SLC10A7: variants seen among roughly 807,000 people sequenced by gnomAD.
The protein encoded by SLC10A7 is solute carrier family 10 member 7.
SLC10A7 carries 29 observed loss-of-function variants against 43.2 expected under a neutral mutation model. The observed-to-expected ratio is 0.67, with a 90% CI of 0.50 to 0.92. SLC10A7 has a LOEUF of 0.92. Among genes scored for constraint, SLC10A7 ranks in the 40% least tolerant of loss-of-function variants. The pLI is 0.00. For missense variants in SLC10A7, 295 were observed against 403.2 expected (o/e 0.73, Z 2.30); for synonymous variants, 152 against 144.8 (o/e 1.05, Z -0.35).
chr4:146,436,298 C>T lies in SLC10A7; in HGVS notation c.435+6485G>A, dbSNP rs183497967. 2.9e-3 allele frequency among the ~76,000 whole-genome samples: 445 copies of T among 152,154 alleles called. 1 individual carries two copies. Among genetic ancestry groups the T allele is most frequent in the Non-Finnish European group, 4.7e-3 (322 of 67,936 alleles). On this transcript the variant is annotated intron_variant, in intron 5 of 11. Transcript: ENST00000335472. ...AGTAACAAAGACCATTTTTTATTTA[C>T]AATGATTGTACTTCAGATAAGAGTT...
intron 5 of SLC10A7, among the ~76,000 whole-genome samples, chr4:146,383,346 C>CT (rs1737766854): frequency 6.6e-6 from 1 of 152,066 alleles, no homozygotes; most frequent in African/African-American, 2.4e-5. Context: ...GGGGGAAAAC[C>CT]GCGGCTTTCT....
At chr4:146,384,606 T>C (rs1737859124) in intron 5 of SLC10A7, among the ~76,000 whole-genome samples, 1 of 152,114 alleles carries the variant, frequency 6.6e-6, no homozygotes, top group Non-Finnish European at 1.5e-5. Flanking sequence ...ACACTATGTA[T>C]ATATAGGGAT....
At chr4:146,458,778 G>A (rs371251485) in intron 4 of SLC10A7, among the ~76,000 whole-genome samples, 1 of 151,760 alleles carries the variant, frequency 6.6e-6, no homozygotes, top group Non-Finnish European at 1.5e-5. Context: ...GGGCTTGTGT[G>A]TAACAATCTG....
chr4:146,264,687 A>G (rs934672002), intron 10 of SLC10A7, among the ~76,000 whole-genome samples: 2 of 152,112 alleles, frequency 1.3e-5, no homozygotes, highest in African/African-American at 4.8e-5. Flanking sequence ...CAACTCCTAC[A>G]GCCCCTGCAA....
chr4:146,254,836 G>GA lies in SLC10A7; in HGVS notation c.*1654dup, dbSNP rs1356025357. 2.0e-5 allele frequency: 3 copies of GA among 152,186 alleles called. No homozygotes were observed. The highest frequency in any genetic ancestry group is 7.2e-5 in the African/African-American group (3 of 41,444). 9.4% of individuals were successfully genotyped at this position (152,186 alleles called of 1,614,324 possible). ...CCTAAGCAAAATTACTGTAGTTTTA[G>GA]ACACAAGTAAAATTCTTTATAACAG... is the stretch of plus-strand genomic sequence containing the variant. On this transcript the variant is annotated 3_prime_UTR_variant, in exon 12 of 12. Coordinates refer to ENST00000335472, the MANE Select transcript of SLC10A7 (RefSeq NM_001029998.6).
intron 5 of SLC10A7, among the ~76,000 whole-genome samples, chr4:146,383,994 G>A (rs778211379): frequency 1.2e-4 from 18 of 152,148 alleles, no homozygotes; most frequent in East Asian, 3.9e-4. Flanking sequence ...AGGGGAAGTC[G>A]TTTCAAACAC....
intron 10 of SLC10A7, among the ~76,000 whole-genome samples, chr4:146,266,010 GTCT>G (rs1349919221): frequency 6.6e-6 from 1 of 152,154 alleles, no homozygotes; most frequent in Non-Finnish European, 1.5e-5. Flanking sequence ...ATCATTTCTT[GTCT>G]TTCAAAGATT....
At chr4:146,262,263 G>C (rs1728275570) in intron 10 of SLC10A7, among the ~76,000 whole-genome samples, 1 of 152,228 alleles carries the variant, frequency 6.6e-6, no homozygotes, top group South Asian at 2.1e-4. Flanking sequence ...CAGAGTGAGA[G>C]TTAACACTTC....
At chr4:146,299,467 A>G (rs1046943479) in intron 7 of SLC10A7, among the ~76,000 whole-genome samples, 3 of 152,212 alleles carry the variant, frequency 2.0e-5, no homozygotes, top group African/African-American at 7.2e-5. Flanking sequence ...AAATGATATG[A>G]TAGTGACTGA....
At chr4:146,321,387 G>A (rs562083600) in intron 6 of SLC10A7, among the ~76,000 whole-genome samples, 2 of 151,986 alleles carry the variant, frequency 1.3e-5, no homozygotes, top group African/African-American at 4.8e-5. Context: ...TTCTCTTCTT[G>A]TTCTTATAAG....
intron 10 of SLC10A7, among the ~76,000 whole-genome samples, chr4:146,277,157 T>C (rs1729260986): frequency 6.6e-6 from 1 of 152,136 alleles, no homozygotes; most frequent in Non-Finnish European, 1.5e-5. Context: ...GTTAAAAACA[T>C]TTGACGTGGA....
Position 146,521,934 on chromosome 4 carries a change from A to G in SLC10A7, c.-217T>C, listed in dbSNP as rs1030392679. 1.6e-4 allele frequency: 76 copies of G among 482,588 alleles called. 1 individual carries two copies. In the East Asian group the frequency reaches 2.5e-3, roughly 16 times the overall value. The allele number at this position is 482,588 out of a possible 1,614,324, so 29.9% of individuals were successfully genotyped here. A position where few individuals can be genotyped will look rare whatever the true frequency, so the allele number is the denominator to read the frequency against. On this transcript the variant is annotated 5_prime_UTR_variant, in exon 1 of 12. Coordinates refer to ENST00000335472, the MANE Select transcript of SLC10A7 (RefSeq NM_001029998.6). ...TAGTAGCCAGTGACAGGAAAGTCTC[A>G]CTGAGCGCCGCCATCACTACCACGC...
intron 4 of SLC10A7, among the ~76,000 whole-genome samples, chr4:146,500,206 A>G (rs1273953470): frequency 6.6e-6 from 1 of 152,176 alleles, no homozygotes; most frequent in East Asian, 1.9e-4. Context: ...TTGAGAAAAC[A>G]CACAACCACA....
intron 5 of SLC10A7, among the ~76,000 whole-genome samples, chr4:146,339,622 T>A (rs1488187082): frequency 6.6e-6 from 1 of 151,946 alleles, no homozygotes; most frequent in East Asian, 1.9e-4. Flanking sequence ...AGGATCTGGG[T>A]ATGCAGTTGC....
At chr4:146,433,663 C>T (rs1018362197) in intron 5 of SLC10A7, among the ~76,000 whole-genome samples, 2 of 151,958 alleles carry the variant, frequency 1.3e-5, no homozygotes, top group Non-Finnish European at 2.9e-5. Flanking sequence ...CTCAGGAGTT[C>T]AACACCAGCC....
In SLC10A7 at chr4:146,488,526, A is replaced by G. The variant is rs181693853; in HGVS notation, c.396+15323T>C. Among the ~76,000 whole-genome samples the G allele has an allele frequency of 1.0e-3, 152 of 152,334 alleles. 1 individual carries two copies. The Middle Eastern group carries it at 0.01, about 10-fold the overall frequency. The stretch of plus-strand genomic sequence containing the variant: ...AAAAAAATGACTAAAAGTCCCATTC[A>G]GCTACTAAGATTTCTGTTTTTGTTT... On this transcript the variant is annotated intron_variant, in intron 4 of 11. Coordinates refer to ENST00000335472, the MANE Select transcript of SLC10A7 (RefSeq NM_001029998.6).
intron 4 of SLC10A7, among the ~76,000 whole-genome samples, chr4:146,443,627 T>A (rs1250989931): frequency 1.3e-5 from 2 of 152,166 alleles, no homozygotes; most frequent in Admixed American, 1.3e-4. Flanking sequence ...CCTATTTACA[T>A]CTCCTGCATA....
intron 5 of SLC10A7, among the ~76,000 whole-genome samples, chr4:146,333,991 T>C (rs1733712072): frequency 6.6e-6 from 1 of 152,100 alleles, no homozygotes; most frequent in African/African-American, 2.4e-5. Context: ...ATTTGAAAAC[T>C]AGACTAGTAG....
intron 10 of SLC10A7, 129 bp from the exon 11 acceptor site, chr4:146,258,966 G>C: frequency 9.6e-7 from 1 of 1,045,336 alleles, no homozygotes; most frequent in South Asian, 1.6e-5. Flanking sequence ...TCACAGAACT[G>C]AAATGGGAAA....
Sources: allele counts gnomAD v4.1 joint callset (sites outside exome capture counted in the v4.1 genomes callset), GRCh38; gene constraint gnomAD v4.1.1; transcripts MANE v1.5; gene names NCBI Gene and HGNC (gene_info 2026-07-23, HGNC 2026-07-21).